The following WASF1 variants were observed in gnomAD, a reference collection of about 807,000 sequenced individuals.
WASF1 encodes the protein WASP family member 1, also known as actin-binding protein WASF1.
A neutral mutation model predicts 50.5 loss-of-function variants in WASF1; 7 were observed. The observed-to-expected ratio is 0.14, with a 90% CI of 0.08 to 0.26. WASF1 has a LOEUF of 0.26. Among genes scored for constraint, WASF1 ranks in the 10% least tolerant of loss-of-function variants. WASF1 has a pLI of 1.00. For synonymous variants in WASF1, 205 were observed against 244.0 expected (o/e 0.84, Z 1.49); for missense variants, 470 against 694.7 (o/e 0.68, Z 3.64).
chr6:110,163,926 C>T (rs1032600140), intron 2 of WASF1, among the ~76,000 whole-genome samples: 3 of 151,544 alleles, frequency 2.0e-5, no homozygotes, highest in African/African-American at 7.3e-5. Context: ...AGTCACTGAT[C>T]TTTGACAAAG....
chr6:110,132,158 T>C (rs1037078204), intron 3 of WASF1, among the ~76,000 whole-genome samples: 2 of 152,088 alleles, frequency 1.3e-5, no homozygotes, highest in African/African-American at 2.4e-5. Flanking sequence ...GGAACCACAA[T>C]ATATATTGTT....
intron 4 of WASF1, among the ~76,000 whole-genome samples, chr6:110,120,468 C>G (rs912938188): frequency 6.6e-6 from 1 of 152,126 alleles, no homozygotes; most frequent in Non-Finnish European, 1.5e-5. Flanking sequence ...ACCTAGGAAT[C>G]CAACTTACAA....
Position 110,102,062 on chromosome 6 carries a change from G to C in WASF1, c.1048C>G (p.Pro350Ala), listed in dbSNP as rs761585849. The stretch of plus-strand genomic sequence containing the variant: ...GGTGGAGGTGGGGGAGGTACTGGAG[G>C]GGGAGGAGTTGAAGTCATTGAAGCT... ...LRASMTSTPP[P>A]PVPPPPPPPA... Residue 350 changes from proline to alanine, a missense_variant, in exon 10 of 11, where the codon CCT becomes GCT. Around this residue, in one of 3 missense-constraint regions of WASF1, gnomAD observed 294 missense variants for 343.5 expected, o/e 0.86. Transcript: ENST00000392589. 23 of 1,517,514 alleles carry C rather than the reference G, an allele frequency of 1.5e-5. No homozygotes were observed. In the South Asian group the frequency reaches 2.0e-4, roughly 13 times the overall value. The allele number at this position is 1,517,514 out of a possible 1,614,324, so 94.0% of individuals were successfully genotyped here.
chr6:110,176,701 T>C (rs1011378134), intron 2 of WASF1, among the ~76,000 whole-genome samples: 6 of 152,230 alleles, frequency 3.9e-5, no homozygotes, highest in African/African-American at 1.2e-4. Flanking sequence ...TTTGGATTTA[T>C]GACAATAAGC....
At chr6:110,133,774 T>A (rs918779366) in intron 3 of WASF1, among the ~76,000 whole-genome samples, 2 of 152,188 alleles carry the variant, frequency 1.3e-5, no homozygotes, top group African/African-American at 4.8e-5. Flanking sequence ...TGAATATTAA[T>A]CCATTGTCAG....
intron 9 of WASF1, among the ~76,000 whole-genome samples, chr6:110,102,439 T>C (rs1360629906): frequency 6.6e-6 from 1 of 152,058 alleles, no homozygotes; most frequent in African/African-American, 2.4e-5. Context: ...TGTAATAGTC[T>C]AAATAGTCTC....
At chr6:110,173,690 T>C (rs1288533132) in intron 2 of WASF1, among the ~76,000 whole-genome samples, 1 of 152,192 alleles carries the variant, frequency 6.6e-6, no homozygotes, top group Non-Finnish European at 1.5e-5. Flanking sequence ...CAGTCAGGAC[T>C]CTGTGCATCT....
chr6:110,170,713 C>T (rs770937159), intron 2 of WASF1, among the ~76,000 whole-genome samples: 5 of 151,540 alleles, frequency 3.3e-5, no homozygotes, highest in Admixed American at 6.6e-5. Flanking sequence ...AAGAAACCCA[C>T]TTTAAATGTA....
chr6:110,135,456 TATC>T (rs1481985212), intron 3 of WASF1, among the ~76,000 whole-genome samples: 10 of 152,308 alleles, frequency 6.6e-5, no homozygotes, highest in South Asian at 2.1e-4. Context: ...TTCCTACATT[TATC>T]ATCATGTTAC....
intron 4 of WASF1, among the ~76,000 whole-genome samples, chr6:110,124,057 A>G (rs1029552140): frequency 6.6e-6 from 1 of 151,794 alleles, no homozygotes; most frequent in African/African-American, 2.4e-5. Context: ...CTTTGTGCAG[A>G]TAAGGGAACT....
At chr6:110,133,941 A>G (rs1774820531) in intron 3 of WASF1, among the ~76,000 whole-genome samples, 2 of 152,152 alleles carry the variant, frequency 1.3e-5, no homozygotes, top group South Asian at 4.1e-4. Flanking sequence ...TGCCTAAGCC[A>G]ATGTCTAGAA....
chr6:110,132,799 T>C (rs1774744606), intron 3 of WASF1, among the ~76,000 whole-genome samples: 1 of 151,872 alleles, frequency 6.6e-6, no homozygotes, highest in African/African-American at 2.4e-5. Context: ...TGGTTTTTCA[T>C]TCTGGAGTTA....
Position 110,105,557 on chromosome 6 carries a change from T to A in WASF1, c.563A>T (p.His188Leu), listed in dbSNP as rs1325669515. The A allele has an allele frequency of 6.2e-7, 1 of 1,613,648 alleles. No homozygotes were observed. The highest frequency in any genetic ancestry group is 8.5e-7 in the Non-Finnish European group (1 of 1,179,834). Residue 188 changes from histidine to leucine, a missense_variant, in exon 8 of 11, where the codon CAT becomes CTT. This residue lies in a region of WASF1 where 140 missense variants were observed against 260.5 expected (regional missense o/e 0.54). Coordinates refer to ENST00000392589, the MANE Select transcript of WASF1 (RefSeq NM_003931.3). ...KQKQKNLDRP[H>L]EPEKVPRAPH... ...TGCTCTTGGCACTTTTTCTGGTTCA[T>A]GAGGACGATCTAGATTTTTCTGCTA...
At chr6:110,152,290 C>A (rs1179831419) in intron 3 of WASF1, among the ~76,000 whole-genome samples, 4 of 152,062 alleles carry the variant, frequency 2.6e-5, no homozygotes, top group Admixed American at 6.5e-5. Flanking sequence ...GTTCTAGGAG[C>A]TAGAAACCTT....
chr6:110,174,465 G>A (rs1776843515), intron 2 of WASF1, among the ~76,000 whole-genome samples: 1 of 152,156 alleles, frequency 6.6e-6, no homozygotes, highest in Admixed American at 6.5e-5. Context: ...CAAATGAGGG[G>A]ACAGTAGCAG....
intron 4 of WASF1, among the ~76,000 whole-genome samples, chr6:110,124,270 CTCTCTATATA>C (rs1285783086): frequency 2.1e-4 from 11 of 52,462 alleles, no homozygotes; most frequent in African/African-American, 7.7e-4. Context: ...CTCTCTCTCT[CTCTCTATATA>C]TATATATATA....
intron 2 of WASF1, among the ~76,000 whole-genome samples, chr6:110,173,089 A>C (rs1333931330): frequency 6.6e-6 from 1 of 152,172 alleles, no homozygotes; most frequent in Non-Finnish European, 1.5e-5. Flanking sequence ...TGTCCCTATT[A>C]AAACAACTAG....
intron 3 of WASF1, among the ~76,000 whole-genome samples, chr6:110,140,923 G>A (rs916164431): frequency 5.9e-5 from 9 of 152,174 alleles, no homozygotes; most frequent in African/African-American, 1.7e-4. Context: ...CCAATGAGAA[G>A]GAAGCATATA....
At chr6:110,120,550 TG>T (rs994204934) in intron 4 of WASF1, among the ~76,000 whole-genome samples, 2 of 152,144 alleles carry the variant, frequency 1.3e-5, no homozygotes, top group African/African-American at 4.8e-5. Context: ...CACAAACAAA[TG>T]GAAGAACATT....
Sources: allele counts gnomAD v4.1 joint callset (sites outside exome capture counted in the v4.1 genomes callset), GRCh38; gene constraint gnomAD v4.1.1; regional missense constraint gnomAD v4.1.1; transcripts MANE v1.5; gene names NCBI Gene and HGNC (gene_info 2026-07-23, HGNC 2026-07-21).